Variants in RIMS2 observed in about 807,000 individuals in gnomAD.
RIMS2 encodes the protein regulating synaptic membrane exocytosis 2, also known as regulating synaptic membrane exocytosis protein 2.
A neutral mutation model predicts 174.4 loss-of-function variants in RIMS2; 59 were observed. That is an observed-to-expected ratio of 0.34 (90% CI 0.27 to 0.42). The LOEUF (loss-of-function observed/expected upper bound fraction) is 0.42. Among genes scored for constraint, RIMS2 ranks in the 10% least tolerant of loss-of-function variants. RIMS2 has a pLI of 1.00. For synonymous variants in RIMS2, 606 were observed against 572.5 expected (o/e 1.06, Z -0.84); for missense variants, 1,620 against 1,666.3 (o/e 0.97, Z 0.48).
chr8:104,063,391 C>G (rs550604070), intron 19 of RIMS2, among the ~76,000 whole-genome samples: 1 of 152,104 alleles, frequency 6.6e-6, no homozygotes, highest in Non-Finnish European at 1.5e-5. Flanking sequence ...TCAAAAACAA[C>G]TCCACATATG....
chr8:103,806,196 T>G (rs1225783241), intron 3 of RIMS2, among the ~76,000 whole-genome samples: 1 of 152,198 alleles, frequency 6.6e-6, no homozygotes, highest in Non-Finnish European at 1.5e-5. Flanking sequence ...CTTTTTTCTG[T>G]CTAAACATGT....
At chr8:103,608,878 T>C (rs368443813) in intron 1 of RIMS2, among the ~76,000 whole-genome samples, 211 of 152,314 alleles carry the variant, frequency 1.4e-3, no homozygotes, top group African/African-American at 4.9e-3. Context: ...CCCACTGACC[T>C]GCGCCCACTG....
chr8:103,629,888 T>TC (rs1177458963), intron 1 of RIMS2, among the ~76,000 whole-genome samples: 2 of 151,820 alleles, frequency 1.3e-5, no homozygotes, highest in Non-Finnish European at 2.9e-5. Flanking sequence ...AAATGAACCA[T>TC]CTTGGATACT....
intron 3 of RIMS2, among the ~76,000 whole-genome samples, chr8:103,876,938 G>T: frequency 8.3e-6 from 1 of 120,536 alleles, no homozygotes; most frequent in Non-Finnish European, 1.7e-5. Context: ...ACATAACACA[G>T]TTTCTTTATC....
chr8:104,123,778 A>AAT (rs752299900), intron 19 of RIMS2, among the ~76,000 whole-genome samples: 27 of 152,118 alleles, frequency 1.8e-4, no homozygotes, highest in Admixed American at 8.5e-4. Flanking sequence ...AATGCACTAT[A>AAT]ATATAAAATT....
chr8:103,726,075 A>C lies in RIMS2; in HGVS notation c.387+28779A>C, dbSNP rs543276050. On this transcript the variant is annotated intron_variant, in intron 2 of 23. Transcript: ENST00000504942. ...TATACTGAACAAATATCATATATAG[A>C]TGGTTCCTGACTTATGATGGTTTGA... Among the ~76,000 whole-genome samples, 4 of 152,288 alleles carry C rather than the reference A, an allele frequency of 2.6e-5. No individual in the cohort carries two copies. The East Asian group carries it at 7.7e-4, about 29-fold the overall frequency.
chr8:103,831,446 C>T (rs955656927), intron 3 of RIMS2, among the ~76,000 whole-genome samples: 5 of 152,086 alleles, frequency 3.3e-5, no homozygotes, highest in African/African-American at 1.2e-4. Context: ...GGTCAGTGGT[C>T]CTTTCTACTT....
chr8:103,554,419 G>A (rs66963531), intron 1 of RIMS2, among the ~76,000 whole-genome samples: 17,641 of 151,928 alleles, frequency 0.12, 1,346 homozygotes, highest in Non-Finnish European at 0.17. Flanking sequence ...ACATATACGC[G>A]GCCAACAAGC....
At chr8:103,590,967 C>T (rs1205974624) in intron 1 of RIMS2, among the ~76,000 whole-genome samples, 1 of 150,714 alleles carries the variant, frequency 6.6e-6, no homozygotes, top group Non-Finnish European at 1.5e-5. Flanking sequence ...AATTGCCAGG[C>T]CTTTTTCCAG....
At chr8:103,539,814 C>CTTCA (rs1041964395) in intron 1 of RIMS2, among the ~76,000 whole-genome samples, 107 of 152,368 alleles carry the variant, frequency 7.0e-4, no homozygotes, top group African/African-American at 2.4e-3. Context: ...AGTGCTCACA[C>CTTCA]TTCAGACTCA....
intron 1 of RIMS2, among the ~76,000 whole-genome samples, chr8:103,586,643 A>G (rs771515780): frequency 3.3e-5 from 5 of 152,144 alleles, no homozygotes; most frequent in Admixed American, 6.6e-5. Flanking sequence ...AAAAATAGGA[A>G]GAACTTCAAA....
intron 3 of RIMS2, among the ~76,000 whole-genome samples, chr8:103,858,678 T>C (rs7018117): frequency 0.048 from 7,144 of 147,810 alleles, 570 homozygotes; most frequent in African/African-American, 0.17. Context: ...TATATATACG[T>C]GTGTGTGTAT....
Position 104,022,828 on chromosome 8 carries a change from C to A in RIMS2, c.3334+8213C>A, listed in dbSNP as rs557111454. Reference sequence around the variant, plus strand: ...TTGTTTTTATCATTTATATGAAATCCTCTCCACTGCAAAATATTGCTATTG... The same window carrying A: ...TTGTTTTTATCATTTATATGAAATCATCTCCACTGCAAAATATTGCTATTG... On this transcript the variant is annotated intron_variant, in intron 19 of 23. Transcript: ENST00000504942. Among the ~76,000 whole-genome samples, 40 of 152,212 alleles carry A rather than the reference C, an allele frequency of 2.6e-4. No homozygotes were observed. In the Middle Eastern group the frequency reaches 0.014, roughly 52 times the overall value.
intron 10 of RIMS2, among the ~76,000 whole-genome samples, chr8:103,924,256 C>T (rs1296571534): frequency 1.3e-5 from 2 of 151,658 alleles, no homozygotes; most frequent in African/African-American, 4.8e-5. Flanking sequence ...CAATCATCTA[C>T]TTAAGAAATA....
intron 19 of RIMS2, among the ~76,000 whole-genome samples, chr8:104,181,331 T>TA (rs763052492): frequency 8.6e-5 from 13 of 151,398 alleles, no homozygotes; most frequent in African/African-American, 2.9e-4. Context: ...TAGAAGTAGG[T>TA]AAAAAAAATT....
chr8:103,800,501 G>A (rs562769394), intron 3 of RIMS2, among the ~76,000 whole-genome samples: 2 of 152,164 alleles, frequency 1.3e-5, no homozygotes, highest in Admixed American at 1.3e-4. Flanking sequence ...TGAGAAAATT[G>A]TCTTCTATTA....
At position 103,564,338 on chromosome 8, in the gene RIMS2, T is replaced by C. The variant is rs143162941; in HGVS notation, c.176+63276T>C. ...TGGTTTTATTCCAGCCATCTGTCAT[T>C]GTTTGTATTAGGGTTCTCTAGAGGA... is the stretch of plus-strand genomic sequence containing the variant. On this transcript the variant is annotated intron_variant, in intron 1 of 23. Transcript: ENST00000504942. 6.2e-3 allele frequency among the ~76,000 whole-genome samples: 937 copies of C among 152,268 alleles called. 12 individuals carry two copies. The highest frequency in any genetic ancestry group is 0.021 in the African/African-American group (887 of 41,546).
chr8:103,910,290 T>C, intron 5 of RIMS2, 31 bp from the exon 8 acceptor site: 1 of 1,355,144 alleles, frequency 7.4e-7, no homozygotes. Flanking sequence ...CTTTTTTGTA[T>C]CTTTTTTTTT....
At chr8:103,607,163 T>C (rs9774576) in intron 1 of RIMS2, among the ~76,000 whole-genome samples, 27,676 of 152,094 alleles carry the variant, frequency 0.18, 2,765 homozygotes, top group African/African-American at 0.26. Flanking sequence ...CCATGTGTAG[T>C]GCTTCCTTCA....
Sources: allele counts gnomAD v4.1 joint callset (sites outside exome capture counted in the v4.1 genomes callset), GRCh38; gene constraint gnomAD v4.1.1; transcripts MANE v1.5; gene names NCBI Gene and HGNC (gene_info 2026-07-23, HGNC 2026-07-21).